PGBD5: variants seen among roughly 807,000 people sequenced by gnomAD.
The protein encoded by PGBD5 is piggyBac transposable element-derived protein 5.
PGBD5 carries 14 observed loss-of-function variants against 47.9 expected under a neutral mutation model. The observed-to-expected ratio is 0.29, with a 90% CI of 0.19 to 0.46. PGBD5 has a LOEUF of 0.46. Ranked by LOEUF, PGBD5 falls within the 20% of genes least tolerant of loss-of-function variation. The pLI is 1.00. For synonymous variants in PGBD5, 316 were observed against 306.3 expected, an observed-to-expected ratio of 1.03 and a Z score of -0.33; for missense variants, 635 against 716.0, an observed-to-expected ratio of 0.89 and a Z score of 1.29.
At chr1:230,336,986 C>A (rs530601809) in intron 4 of PGBD5, 122 bp downstream of exon 4, 144 of 1,101,680 alleles carry the variant, frequency 1.3e-4, no homozygotes, top group Middle Eastern at 2.2e-4. Context: ...GGAAGGGCCT[C>A]ATCACCTGGC....
intron 1 of PGBD5, among the ~76,000 whole-genome samples, chr1:230,387,918 T>C (rs888700012): frequency 4.6e-5 from 7 of 152,110 alleles, no homozygotes; most frequent in African/African-American, 1.7e-4. Flanking sequence ...GGAAGTTACG[T>C]GGAGGGATGT....
intron 4 of PGBD5, among the ~76,000 whole-genome samples, chr1:230,335,666 C>G (rs1667300828): frequency 9.6e-6 from 1 of 103,794 alleles, no homozygotes; most frequent in Non-Finnish European, 2.2e-5. Context: ...CAGACACACA[C>G]AGATACACAG....
At chr1:230,411,747 T>C (rs1388731684) in intron 1 of PGBD5, among the ~76,000 whole-genome samples, 1 of 152,140 alleles carries the variant, frequency 6.6e-6, no homozygotes, top group Non-Finnish European at 1.5e-5. Flanking sequence ...CAAAGAGAAC[T>C]ACATACTGAG....
chr1:230,339,525 T>C (rs1667378421), intron 3 of PGBD5, among the ~76,000 whole-genome samples: 2 of 152,196 alleles, frequency 1.3e-5, no homozygotes, highest in African/African-American at 2.4e-5. Flanking sequence ...CCAAAGGAAC[T>C]GAAATCAGGA....
chr1:230,353,549 A>C (rs1667590092), intron 2 of PGBD5, among the ~76,000 whole-genome samples: 1 of 152,188 alleles, frequency 6.6e-6, no homozygotes, highest in Non-Finnish European at 1.5e-5. Flanking sequence ...CCAAGATTGC[A>C]GGCTGGAGGG....
At chr1:230,347,096 C>T (rs1667485516) in intron 3 of PGBD5, among the ~76,000 whole-genome samples, 1 of 152,060 alleles carries the variant, frequency 6.6e-6, no homozygotes, top group Non-Finnish European at 1.5e-5. Context: ...CTGAAGAAAG[C>T]ATTGCCCCAG....
At chr1:230,327,714 C>A (rs1214073010) in intron 5 of PGBD5, among the ~76,000 whole-genome samples, 1 of 152,210 alleles carries the variant, frequency 6.6e-6, no homozygotes, top group African/African-American at 2.4e-5. Flanking sequence ...CAGGGCTCAG[C>A]GCACCAGGCG....
intron 1 of PGBD5, among the ~76,000 whole-genome samples, chr1:230,370,866 G>A (rs1193401491): frequency 2.6e-5 from 4 of 152,188 alleles, no homozygotes; most frequent in Non-Finnish European, 4.4e-5. Flanking sequence ...GAAGCTGCCC[G>A]TCTGTGATCT....
chr1:230,329,986 A>C (rs1230389897), intron 5 of PGBD5, among the ~76,000 whole-genome samples: 1 of 152,186 alleles, frequency 6.6e-6, no homozygotes, highest in Admixed American at 6.5e-5. Context: ...TTTTATGTTA[A>C]ATAATACTAA....
chr1:230,403,746 C>T (rs1404478364), intron 1 of PGBD5, among the ~76,000 whole-genome samples: 1 of 152,174 alleles, frequency 6.6e-6, no homozygotes, highest in Non-Finnish European at 1.5e-5. Context: ...CAGGGCAGGC[C>T]CACTAACCCC....
intron 1 of PGBD5, chr1:230,367,965 G>A (rs1649442670): frequency 7.3e-7 from 1 of 1,366,428 alleles, no homozygotes; most frequent in South Asian, 1.1e-5. Flanking sequence ...AGGAGCTCAA[G>A]GTCCTGCAAG....
At chr1:230,354,510 C>T (rs540599717) in intron 2 of PGBD5, among the ~76,000 whole-genome samples, 164 of 152,284 alleles carry the variant, frequency 1.1e-3, no homozygotes, top group African/African-American at 3.7e-3. Context: ...AAACTTATTT[C>T]GAACTTATTT....
chr1:230,387,048 A>T (rs1402610300), intron 1 of PGBD5, among the ~76,000 whole-genome samples: 9 of 152,072 alleles, frequency 5.9e-5, no homozygotes, highest in Non-Finnish European at 1.5e-5. Context: ...TCTGAAAAGG[A>T]GCATTCCCAT....
At chr1:230,350,037 G>T (rs544623094) in intron 3 of PGBD5, among the ~76,000 whole-genome samples, 5 of 152,184 alleles carry the variant, frequency 3.3e-5, no homozygotes, top group African/African-American at 1.2e-4. Flanking sequence ...GGAGATGTTC[G>T]GCAGAATCTT....
chr1:230,396,159 A>C (rs370036178), intron 1 of PGBD5, among the ~76,000 whole-genome samples: 2 of 85,070 alleles, frequency 2.4e-5, no homozygotes, highest in African/African-American at 5.4e-5. Context: ...TTTTACTCCC[A>C]CACTCCTCCC....
At chr1:230,382,278 G>C (rs1656520747) in intron 1 of PGBD5, among the ~76,000 whole-genome samples, 1 of 150,402 alleles carries the variant, frequency 6.6e-6, no homozygotes, top group Non-Finnish European at 1.5e-5. Flanking sequence ...TGGGCATTTT[G>C]AAGTATTTTA....
At chr1:230,346,984 T>C (rs1473553438) in intron 3 of PGBD5, among the ~76,000 whole-genome samples, 2 of 152,146 alleles carry the variant, frequency 1.3e-5, no homozygotes, top group East Asian at 3.9e-4. Flanking sequence ...CCCAACTCTT[T>C]ATTGTAAAAC....
chr1:230,392,710 C>G (rs959338323), intron 1 of PGBD5, among the ~76,000 whole-genome samples: 1 of 152,190 alleles, frequency 6.6e-6, no homozygotes, highest in Non-Finnish European at 1.5e-5. Flanking sequence ...CTGCTCTCAC[C>G]CAAGGAAATC....
chr1:230,343,739 G>T (rs1002040327), intron 3 of PGBD5, among the ~76,000 whole-genome samples: 1 of 152,210 alleles, frequency 6.6e-6, no homozygotes, highest in Non-Finnish European at 1.5e-5. Context: ...AATTCAATTA[G>T]TTATAGGTCA....
Sources: gnomAD v4.1 joint callset for allele counts (sites outside exome capture counted in the v4.1 genomes callset) on GRCh38, gnomAD v4.1.1 for gene constraint, MANE v1.5 for transcripts, NCBI Gene and HGNC (gene_info 2026-07-23, HGNC 2026-07-21) for gene names.